The following ZEB1 variants were observed in gnomAD, a reference collection of about 807,000 sequenced individuals.
The protein encoded by ZEB1 is zinc finger E-box binding homeobox 1.
In ZEB1, 21 loss-of-function variants were observed where a neutral mutation model predicts 84.9. The observed-to-expected ratio is 0.25, with a 90% CI of 0.18 to 0.36. The LOEUF (loss-of-function observed/expected upper bound fraction) is 0.36. ZEB1 is among the 10% of genes least tolerant of loss of function. ZEB1 has a pLI of 1.00. For missense variants in ZEB1, 1,104 were observed against 1,330.2 expected (o/e 0.83, Z 2.65); for synonymous variants, 420 against 471.1 (o/e 0.89, Z 1.41).
chr10:31,509,614 T>C (rs1382722890), intron 4 of ZEB1, among the ~76,000 whole-genome samples: 3 of 152,212 alleles, frequency 2.0e-5, no homozygotes, highest in Admixed American at 1.3e-4. Flanking sequence ...CAGTCTATTA[T>C]TTGCAGTCTG....
chr10:31,524,442 C>T (rs1475078857), intron 8 of ZEB1, among the ~76,000 whole-genome samples: 1 of 151,884 alleles, frequency 6.6e-6, no homozygotes, highest in African/African-American at 2.4e-5. Flanking sequence ...CTAATGAGCT[C>T]GAGCCATCTA....
intron 1 of ZEB1, chr10:31,387,295 G>C (rs569590424): frequency 3.0e-6 from 3 of 985,512 alleles, no homozygotes; most frequent in Admixed American, 6.2e-5. Flanking sequence ...GTGCACACTC[G>C]TGGGCCCAGG....
At chr10:31,455,774 A>G (rs2061137231) in intron 1 of ZEB1, among the ~76,000 whole-genome samples, 2 of 152,192 alleles carry the variant, frequency 1.3e-5, no homozygotes, top group Non-Finnish European at 2.9e-5. Flanking sequence ...GCTGGAGAGG[A>G]TGTGGAGAAA....
intron 1 of ZEB1, chr10:31,320,034 T>C (rs1427809773): frequency 1.3e-5 from 2 of 151,012 alleles, no homozygotes; most frequent in Non-Finnish European, 3.0e-5. Flanking sequence ...CCGGGCGCGC[T>C]CGCGTAACGG....
chr10:31,476,387 C>A (rs2064191971), intron 2 of ZEB1, among the ~76,000 whole-genome samples: 3 of 151,828 alleles, frequency 2.0e-5, no homozygotes, highest in Admixed American at 2.0e-4. Flanking sequence ...CTGGAACACA[C>A]AACTTCCTGA....
intron 1 of ZEB1, chr10:31,321,324 T>C: frequency 7.0e-7 from 1 of 1,427,350 alleles, no homozygotes; most frequent in Middle Eastern, 1.9e-4. Flanking sequence ...GCTTTCGTGA[T>C]TTTAATTATT....
intron 1 of ZEB1, among the ~76,000 whole-genome samples, chr10:31,444,715 G>C (rs2059530711): frequency 6.6e-6 from 1 of 152,086 alleles, no homozygotes; most frequent in Non-Finnish European, 1.5e-5. Flanking sequence ...TCAAAGATCA[G>C]ATAGTCGTAG....
chr10:31,373,280 A>G, intron 1 of ZEB1: 1 of 956,684 alleles, frequency 1.0e-6, no homozygotes, highest in Non-Finnish European at 1.2e-6. Context: ...CTAGGACATA[A>G]TGACAAGTGT....
chr10:31,416,714 A>G (rs1591041657), intron 1 of ZEB1, among the ~76,000 whole-genome samples: 1 of 152,188 alleles, frequency 6.6e-6, no homozygotes, highest in Middle Eastern at 3.2e-3. Context: ...AGAAGCGCAT[A>G]GAAGGAATAA....
Position 31,470,405 on chromosome 10 carries a change from A to G in ZEB1, c.259+9168A>G, listed in dbSNP as rs1591610392. Among the ~76,000 whole-genome samples, 15 of 149,874 alleles carry G rather than the reference A, an allele frequency of 1.0e-4. No individual in the cohort carries two copies. In the South Asian group the frequency reaches 3.2e-3, roughly 32 times the overall value. ...AGCTGAAAACCAAGGCTCGAGAACT[A>G]CGTGAAGAATGCAGAAGCCTCAGGA... On this transcript the variant is annotated intron_variant, in intron 2 of 8. Coordinates refer to ENST00000424869, the MANE Select transcript of ZEB1 (RefSeq NM_001174096.2).
At chr10:31,405,719 TTA>T (rs950139736) in intron 1 of ZEB1, among the ~76,000 whole-genome samples, 1 of 151,276 alleles carries the variant, frequency 6.6e-6, no homozygotes, top group African/African-American at 2.5e-5. Context: ...CTTTTTTTTT[TTA>T]AAATTTAAGT....
At chr10:31,486,052 C>A (rs1347947473) in intron 2 of ZEB1, among the ~76,000 whole-genome samples, 8 of 151,536 alleles carry the variant, frequency 5.3e-5, no homozygotes, top group Non-Finnish European at 1.2e-4. Context: ...CAAGTTGTTG[C>A]GTGTATCAAT....
intron 1 of ZEB1, among the ~76,000 whole-genome samples, chr10:31,452,701 A>ATGTGTGTGTGTG (rs377004895): frequency 7.9e-4 from 71 of 90,344 alleles, no homozygotes; most frequent in Middle Eastern, 6.6e-3. Context: ...TTAGGATAAA[A>ATGTGTGTGTGTG]TGTGTGTGTG....
intron 1 of ZEB1, among the ~76,000 whole-genome samples, chr10:31,328,994 GGTGT>G (rs369444605): frequency 1.3e-5 from 2 of 149,446 alleles, no homozygotes; most frequent in African/African-American, 2.4e-5. Flanking sequence ...ACCATACCCT[GGTGT>G]GTGTGTGTGT....
chr10:31,511,658 A>C (rs538022271), intron 5 of ZEB1, among the ~76,000 whole-genome samples: 2 of 152,276 alleles, frequency 1.3e-5, no homozygotes, highest in East Asian at 3.9e-4. Flanking sequence ...AGGGTTTGTG[A>C]GGGTACATGT....
intron 1 of ZEB1, among the ~76,000 whole-genome samples, chr10:31,334,861 T>C (rs1218149383): frequency 1.3e-5 from 2 of 151,988 alleles, no homozygotes; most frequent in Admixed American, 1.3e-4. Context: ...GGAATACCCT[T>C]AAAACAAAAA....
At chr10:31,404,860 G>A (rs2052687247) in intron 1 of ZEB1, among the ~76,000 whole-genome samples, 1 of 152,122 alleles carries the variant, frequency 6.6e-6, no homozygotes, top group African/African-American at 2.4e-5. Flanking sequence ...ACAGGAGACT[G>A]GACTGGGTGA....
chr10:31,357,639 A>G (rs939084888), intron 1 of ZEB1, among the ~76,000 whole-genome samples: 3 of 152,168 alleles, frequency 2.0e-5, no homozygotes, highest in Admixed American at 6.5e-5. Context: ...TTTTAAAGCT[A>G]GGAATGGGTA....
intron 1 of ZEB1, among the ~76,000 whole-genome samples, chr10:31,404,724 A>G (rs2052655013): frequency 6.6e-6 from 1 of 152,084 alleles, no homozygotes; most frequent in Non-Finnish European, 1.5e-5. Context: ...TCTTGTTCAA[A>G]CTGCACCTCT....
Sources: gnomAD v4.1 joint callset for allele counts (sites outside exome capture counted in the v4.1 genomes callset) on GRCh38, gnomAD v4.1.1 for gene constraint, MANE v1.5 for transcripts, NCBI Gene and HGNC (gene_info 2026-07-23, HGNC 2026-07-21) for gene names.